Variants in ANO1 observed in about 807,000 individuals in gnomAD.
ANO1 encodes anoctamin-1.
In ANO1, 59 loss-of-function variants were observed where a neutral mutation model predicts 124.0. The observed-to-expected ratio is 0.48, with a 90% CI of 0.39 to 0.59. ANO1 has a LOEUF of 0.59. Ranked by LOEUF, ANO1 falls within the 20% of genes least tolerant of loss-of-function variation. The pLI, the probability that ANO1 is intolerant of heterozygous loss-of-function variation, is 0.00. For synonymous variants in ANO1, 529 were observed against 532.0 expected (o/e 0.99, Z 0.08); for missense variants, 1,059 against 1,328.0 (o/e 0.80, Z 3.15).
At chr11:70,150,760 C>T (rs1341668491) in intron 12 of ANO1, among the ~76,000 whole-genome samples, 3 of 151,558 alleles carry the variant, frequency 2.0e-5, no homozygotes, top group Non-Finnish European at 2.9e-5. Context: ...TACACATGCT[C>T]CCTTTTAAAA....
intron 1 of ANO1, chr11:70,085,744 C>G: frequency 7.1e-7 from 1 of 1,417,896 alleles, no homozygotes; most frequent in Non-Finnish European, 9.2e-7. Flanking sequence ...AAAGGACAGC[C>G]TCCACTCGAG....
chr11:70,107,846 G>A (rs767732017), intron 5 of ANO1, among the ~76,000 whole-genome samples: 6 of 152,182 alleles, frequency 3.9e-5, no homozygotes, highest in Non-Finnish European at 8.8e-5. Flanking sequence ...CCCAGAGCCC[G>A]ATGATGGCCG....
At chr11:70,055,773 C>G (rs1220346984) in intron 1 of ANO1, among the ~76,000 whole-genome samples, 3 of 151,912 alleles carry the variant, frequency 2.0e-5, no homozygotes, top group African/African-American at 7.2e-5. Flanking sequence ...TTCGGTTAAT[C>G]AATTCTTTTT....
At chr11:70,083,059 C>T (rs2044250651) in intron 1 of ANO1, among the ~76,000 whole-genome samples, 1 of 152,158 alleles carries the variant, frequency 6.6e-6, no homozygotes, top group African/African-American at 2.4e-5. Flanking sequence ...ACATCCAGCT[C>T]CTTTTGTAAC....
chr11:70,123,045 G>T (rs918580524), intron 8 of ANO1, among the ~76,000 whole-genome samples: 7 of 152,108 alleles, frequency 4.6e-5, no homozygotes, highest in Admixed American at 6.5e-5. Flanking sequence ...TCACTAACTC[G>T]CATGAGCCCA....
chr11:70,122,001 CCT>C (rs1413064529), intron 8 of ANO1, among the ~76,000 whole-genome samples: 2 of 143,592 alleles, frequency 1.4e-5, no homozygotes, highest in African/African-American at 2.6e-5. Flanking sequence ...TCTCCATCTG[CCT>C]CTGTCTCTGT....
intron 8 of ANO1, among the ~76,000 whole-genome samples, chr11:70,118,550 G>A (rs1590782061): frequency 6.6e-6 from 1 of 150,912 alleles, no homozygotes; most frequent in Non-Finnish European, 1.5e-5. Context: ...ATGGATAACT[G>A]AATGATGGAT....
chr11:70,173,141 T>C (rs1179432198), intron 22 of ANO1, among the ~76,000 whole-genome samples: 1 of 152,144 alleles, frequency 6.6e-6, no homozygotes, highest in Admixed American at 6.6e-5. Context: ...TTGGCTGTCT[T>C]GTAGACTAAA....
At chr11:70,152,197 G>C (rs1481397948) in intron 12 of ANO1, among the ~76,000 whole-genome samples, 1 of 152,044 alleles carries the variant, frequency 6.6e-6, no homozygotes, top group South Asian at 2.1e-4. Context: ...TTAGCCGGGC[G>C]TGGTGGCGGG....
the ANO1 span, among the ~76,000 whole-genome samples, chr11:69,976,527 AAAAAAAAAAAAAAAAAAAAAAAAAAAAG>A: frequency 8.8e-5 from 4 of 45,478 alleles, no homozygotes; most frequent in Non-Finnish European, 1.4e-4. Flanking sequence ...AAAAAAAAAA[AAAAAAAAAAAAAAAAAAAAAAAAAAAAG>A]AGAGAGAGAG....
intron 1 of ANO1, among the ~76,000 whole-genome samples, chr11:70,050,777 C>T (rs1346367671): frequency 6.6e-6 from 1 of 152,182 alleles, no homozygotes; most frequent in Non-Finnish European, 1.5e-5. Flanking sequence ...TCCTACTCTG[C>T]TATTCTCTAG....
chr11:70,069,850 T>C (rs1377323814), intron 1 of ANO1, among the ~76,000 whole-genome samples: 1 of 152,204 alleles, frequency 6.6e-6, no homozygotes, highest in Non-Finnish European at 1.5e-5. Flanking sequence ...GAACCACTGA[T>C]TATGCATGCC....
chr11:69,976,567 GAGAT>G, the ANO1 span, among the ~76,000 whole-genome samples: 7 of 130,598 alleles, frequency 5.4e-5, no homozygotes, highest in Admixed American at 1.6e-4. Flanking sequence ...GAGAGAGAGA[GAGAT>G]TAGGACACAC....
chr11:70,005,452 C>A (rs1268449968), intron 1 of ANO1, among the ~76,000 whole-genome samples: 1 of 152,180 alleles, frequency 6.6e-6, no homozygotes, highest in Non-Finnish European at 1.5e-5. Flanking sequence ...GGCACACTGT[C>A]CTGAATTATT....
intron 22 of ANO1, among the ~76,000 whole-genome samples, chr11:70,173,112 A>G (rs2048537759): frequency 6.6e-6 from 1 of 152,096 alleles, no homozygotes; most frequent in South Asian, 2.1e-4. Flanking sequence ...GATAACTTCA[A>G]CTCTGGCTTC....
At chr11:69,990,089 CT>C (rs1856124372) in intron 1 of ANO1, among the ~76,000 whole-genome samples, 1 of 152,154 alleles carries the variant, frequency 6.6e-6, no homozygotes, top group African/African-American at 2.4e-5. Flanking sequence ...ATTTTCAAAA[CT>C]TTTTCATCAC....
At chr11:70,182,719 A>G (rs753970570) in intron 24 of ANO1, 33 bp downstream of exon 24, 2 of 1,443,450 alleles carry the variant, frequency 1.4e-6, no homozygotes, top group South Asian at 3.2e-5. Flanking sequence ...TTGAAAAGCC[A>G]CGTTTATTGG....
chr11:70,116,188 A>G (rs535181328), intron 7 of ANO1, among the ~76,000 whole-genome samples: 40 of 152,134 alleles, frequency 2.6e-4, no homozygotes, highest in Non-Finnish European at 4.6e-4. Flanking sequence ...ATCCTCTCCT[A>G]GAGTCCCCTC....
intron 1 of ANO1, among the ~76,000 whole-genome samples, chr11:70,069,041 T>A (rs1857802128): frequency 6.6e-6 from 1 of 152,042 alleles, no homozygotes. Context: ...TGAAAGAATA[T>A]CCCCCTCCAC....
Sources: allele counts gnomAD v4.1 joint callset (sites outside exome capture counted in the v4.1 genomes callset), GRCh38; gene constraint gnomAD v4.1.1; transcripts MANE v1.5; gene names NCBI Gene and HGNC (gene_info 2026-07-23, HGNC 2026-07-21).